EPHA6: variants seen among roughly 807,000 people sequenced by gnomAD.
The protein encoded by EPHA6 is ephrin type-A receptor 6.
EPHA6 carries 50 observed loss-of-function variants against 112.0 expected under a neutral mutation model. The observed-to-expected ratio is 0.45, with a 90% CI of 0.36 to 0.56. The LOEUF (loss-of-function observed/expected upper bound fraction) is 0.56. Ranked by LOEUF, EPHA6 falls within the 20% of genes least tolerant of loss-of-function variation. The pLI is 0.00. For missense variants in EPHA6, 1,280 were observed against 1,417.4 expected, an observed-to-expected ratio of 0.90 and a Z score of 1.56; for synonymous variants, 529 against 490.7, an observed-to-expected ratio of 1.08 and a Z score of -1.03.
chr3:96,889,114 A>T (rs900657939), intron 2 of EPHA6, among the ~76,000 whole-genome samples: 2 of 152,160 alleles, frequency 1.3e-5, no homozygotes, highest in African/African-American at 4.8e-5. Context: ...CCTCATTTGC[A>T]TCTGAGACCA....
At chr3:97,115,760 C>T (rs2108292270) in intron 3 of EPHA6, among the ~76,000 whole-genome samples, 1 of 151,632 alleles carries the variant, frequency 6.6e-6, no homozygotes, top group South Asian at 2.1e-4. Flanking sequence ...AATATTATGC[C>T]CTAAATACTT....
chr3:97,641,863 AGG>A (rs1019921724), intron 14 of EPHA6, among the ~76,000 whole-genome samples: 1 of 151,576 alleles, frequency 6.6e-6, no homozygotes, highest in Non-Finnish European at 1.5e-5. Flanking sequence ...AGGCTGGGGG[AGG>A]GGCGCCCGCC....
chr3:97,030,648 A>T (rs1252883773), intron 3 of EPHA6, among the ~76,000 whole-genome samples: 4 of 152,020 alleles, frequency 2.6e-5, no homozygotes, highest in South Asian at 4.1e-4. Context: ...CATAATTATT[A>T]CCTCATAAAT....
chr3:96,939,636 CT>C (rs940537476), intron 2 of EPHA6, among the ~76,000 whole-genome samples: 4 of 152,026 alleles, frequency 2.6e-5, no homozygotes, highest in Non-Finnish European at 5.9e-5. Context: ...TATTTCTTGC[CT>C]TGTGCTAGCT....
intron 3 of EPHA6, among the ~76,000 whole-genome samples, chr3:97,159,102 C>T (rs116829245): frequency 6.6e-6 from 1 of 152,040 alleles, no homozygotes; most frequent in Non-Finnish European, 1.5e-5. Flanking sequence ...CATTATTAGC[C>T]CTGCCTGGAT....
intron 6 of EPHA6, among the ~76,000 whole-genome samples, chr3:97,405,810 C>T (rs529405826): frequency 3.3e-4 from 50 of 152,158 alleles, no homozygotes; most frequent in East Asian, 2.1e-3. Flanking sequence ...AAGATAAATT[C>T]AGTTGACAAA....
intron 2 of EPHA6, among the ~76,000 whole-genome samples, chr3:96,886,954 A>T (rs1160154688): frequency 1.3e-5 from 2 of 152,074 alleles, no homozygotes; most frequent in African/African-American, 4.8e-5. Context: ...TCTTTAAACT[A>T]TCTATTTTCT....
chr3:97,174,815 A>G (rs934561302), intron 3 of EPHA6, among the ~76,000 whole-genome samples: 5 of 151,900 alleles, frequency 3.3e-5, no homozygotes, highest in African/African-American at 1.2e-4. Flanking sequence ...TCAGATAGGT[A>G]GTTTGCAAAT....
rs189473971 is a variant in EPHA6 at position 97,025,631 on chromosome 3, C to T, written c.1114+37638C>T. On this transcript the variant is annotated intron_variant, in intron 3 of 17. Transcript: ENST00000389672. ...TTTAAAAACAGTCTCACTCTTTCGC[C>T]AGGCTAGTGTGCAGTGGCGCGATCT... Among the ~76,000 whole-genome samples the T allele has an allele frequency of 5.9e-3, 900 of 152,244 alleles. 7 individuals carry two copies. Among genetic ancestry groups the T allele is most frequent in the Middle Eastern group, 0.01 (3 of 294 alleles).
rs796531853 is a variant in EPHA6 at position 96,931,018 on chromosome 3, A to AAAAAAAAAAAAG, written c.451-56309_451-56308insAAAAAAAAGAAA. Among the ~76,000 whole-genome samples the AAAAAAAAAAAAG allele has an allele frequency of 5.4e-4, 46 of 84,578 alleles. 11 individuals carry two copies. Among genetic ancestry groups the AAAAAAAAAAAAG allele is most frequent in the African/African-American group, 1.4e-3 (32 of 23,674 alleles). The allele number at this position is 84,578 out of a possible 152,430, so 55.5% of individuals were successfully genotyped here. On this transcript the variant is annotated intron_variant, in intron 2 of 17. Transcript: ENST00000389672. The stretch of plus-strand genomic sequence containing the variant: ...AAAAAAAAAAAAAAAAAAAAAAAAA[A>AAAAAAAAAAAAG]AAAGAAAAGCTTTCTGGCTGCTTTT...
intron 3 of EPHA6, among the ~76,000 whole-genome samples, chr3:97,159,912 C>T: frequency 6.6e-6 from 1 of 152,136 alleles, no homozygotes; most frequent in South Asian, 2.1e-4. Context: ...CAAAATTCTT[C>T]CTCTTCTATG....
intron 2 of EPHA6, among the ~76,000 whole-genome samples, chr3:96,893,928 G>T (rs1186941000): frequency 6.6e-6 from 1 of 152,118 alleles, no homozygotes; most frequent in Non-Finnish European, 1.5e-5. Context: ...GACAGCTGAA[G>T]AATTTTTAGA....
At chr3:97,584,219 C>A (rs564520157) in intron 11 of EPHA6, among the ~76,000 whole-genome samples, 65 of 152,240 alleles carry the variant, frequency 4.3e-4, no homozygotes, top group African/African-American at 1.5e-3. Flanking sequence ...ATAAATATTA[C>A]CTTGAGCTCC....
At chr3:96,885,089 G>A (rs936641308) in intron 2 of EPHA6, among the ~76,000 whole-genome samples, 2 of 152,052 alleles carry the variant, frequency 1.3e-5, no homozygotes, top group African/African-American at 4.8e-5. Flanking sequence ...TGATCATGGT[G>A]GATTATCTTT....
intron 3 of EPHA6, among the ~76,000 whole-genome samples, chr3:97,154,179 AAAT>A (rs148763195): frequency 0.041 from 6,194 of 151,748 alleles, 451 homozygotes; most frequent in African/African-American, 0.14. Context: ...AAAAAAAAAA[AAAT>A]ATCAGTCTTT....
chr3:97,219,894 C>G (rs554505892), intron 3 of EPHA6, among the ~76,000 whole-genome samples: 5 of 152,074 alleles, frequency 3.3e-5, no homozygotes, highest in African/African-American at 1.2e-4. Context: ...AATTTCAAAC[C>G]ATCTCTTTGT....
intron 3 of EPHA6, among the ~76,000 whole-genome samples, chr3:97,207,046 A>G (rs545904828): frequency 1.8e-4 from 27 of 152,256 alleles, no homozygotes; most frequent in African/African-American, 4.8e-4. Flanking sequence ...TGCAGGCTTC[A>G]ACATAAAAGT....
intron 7 of EPHA6, among the ~76,000 whole-genome samples, chr3:97,468,633 T>G (rs1193321944): frequency 2.0e-5 from 3 of 151,798 alleles, no homozygotes; most frequent in Admixed American, 2.0e-4. Context: ...TTCTATTAAT[T>G]TACCTCTGTA....
chr3:97,755,553 C>A lies in EPHA6; in HGVS notation c.*6852C>A, dbSNP rs2107932430. Among the ~76,000 whole-genome samples, 1 of 152,274 alleles carries A rather than the reference C, an allele frequency of 6.6e-6. No homozygotes were observed. Among genetic ancestry groups the A allele is most frequent in the African/African-American group, 2.4e-5 (1 of 41,570 alleles). On this transcript the variant is annotated 3_prime_UTR_variant, in exon 18 of 18. Coordinates refer to ENST00000389672, the MANE Select transcript of EPHA6 (RefSeq NM_001080448.3). The stretch of plus-strand genomic sequence containing the variant: ...TTCAGGATTCCTATTTAGTTAGTAA[C>A]AGGGTCTCCATCTCATTATCCCTCG...
Sources: gnomAD v4.1 joint callset for allele counts (sites outside exome capture counted in the v4.1 genomes callset) on GRCh38, gnomAD v4.1.1 for gene constraint, MANE v1.5 for transcripts, NCBI Gene and HGNC (gene_info 2026-07-23, HGNC 2026-07-21) for gene names.